The following FRMPD4 variants were observed in gnomAD, a reference collection of about 807,000 sequenced individuals.
FRMPD4 encodes the protein FERM and PDZ domain-containing protein 4.
In FRMPD4, 22 loss-of-function variants were observed where a neutral mutation model predicts 94.1. That is an observed-to-expected ratio of 0.23 (90% CI 0.17 to 0.33). FRMPD4 has a LOEUF of 0.33. Ranked by LOEUF, FRMPD4 falls within the 10% of genes least tolerant of loss-of-function variation. The probability of loss-of-function intolerance (pLI) is 1.00; values close to 1 mark genes in which losing one functional copy is unlikely to be tolerated. For synonymous variants in FRMPD4, 631 were observed against 548.6 expected, an observed-to-expected ratio of 1.15 and a Z score of -2.10; for missense variants, 1,111 against 1,339.9, an observed-to-expected ratio of 0.83 and a Z score of 2.67.
At chrX:12,157,551 CGTA>C (rs993656631) in intron 1 of FRMPD4, among the ~76,000 whole-genome samples, 2 of 111,603 alleles carry the variant, frequency 1.8e-5, no homozygotes, top group Non-Finnish European at 3.8e-5. Context: ...CAGAGCTCCC[CGTA>C]ACCACAGGTG....
chrX:11,986,537 C>G (rs1352077464), intron 3 of FRMPD4, among the ~76,000 whole-genome samples: 1 of 110,949 alleles, frequency 9.0e-6, no homozygotes, highest in Non-Finnish European at 1.9e-5. Flanking sequence ...AAGACAAAAC[C>G]AAACCTAAAA....
rs1380122866 is a variant in FRMPD4, at chrX:12,475,428, C to G, written c.42-23252C>G. On this transcript the variant is annotated intron_variant, in intron 1 of 16. Transcript: ENST00000675598. ...AAGACAGGGATGCCCTCTCTCACCA[C>G]TCCTATTCAACATAGTGTTGGAAGT... Among the ~76,000 whole-genome samples the G allele has an allele frequency of 5.4e-5, 6 of 111,569 alleles. No individual in the cohort carries two copies. The East Asian group carries it at 1.7e-3, about 31-fold the overall frequency.
At chrX:11,971,924 G>A (rs2054342239) in intron 3 of FRMPD4, among the ~76,000 whole-genome samples, 3 of 112,240 alleles carry the variant, frequency 2.7e-5, no homozygotes, top group Admixed American at 9.5e-5. Context: ...TCAGAGTGGA[G>A]CTTAGGACTT....
intron 1 of FRMPD4, among the ~76,000 whole-genome samples, chrX:12,235,708 C>T (rs2057064195): frequency 8.9e-6 from 1 of 112,072 alleles, no homozygotes; most frequent in East Asian, 2.8e-4. Context: ...CAGTATCGTA[C>T]CTTTATCCAG....
rs188316092 is a variant in FRMPD4, at chrX:12,600,291, C to T, written c.159-9430C>T. Among the ~76,000 whole-genome samples the T allele has an allele frequency of 2.4e-3, 263 of 110,592 alleles. 1 individual carries two copies. Among genetic ancestry groups the T allele is most frequent in the Middle Eastern group, 4.6e-3 (1 of 217 alleles). The stretch of plus-strand genomic sequence containing the variant: ...GAAAGTTTCCATCTCCTTTGATGTC[C>T]GTCAGCTGTTCTTACAAACCAAATG... On this transcript the variant is annotated intron_variant, in intron 2 of 16. Transcript: ENST00000675598.
At chrX:12,162,528 A>G (rs1448935831) in intron 1 of FRMPD4, among the ~76,000 whole-genome samples, 2 of 112,162 alleles carry the variant, frequency 1.8e-5, no homozygotes, top group Admixed American at 9.4e-5. Flanking sequence ...AAGCAGATGC[A>G]TTTTTTTATT....
chrX:12,604,893 C>T (rs769755731), intron 2 of FRMPD4, among the ~76,000 whole-genome samples: 1 of 111,814 alleles, frequency 8.9e-6, no homozygotes, highest in Admixed American at 9.5e-5. Flanking sequence ...TTAGCTCCCA[C>T]TTATAAGTGA....
chrX:12,170,739 T>C (rs2056205957), intron 1 of FRMPD4, among the ~76,000 whole-genome samples: 1 of 111,708 alleles, frequency 9.0e-6, no homozygotes, highest in Non-Finnish European at 1.9e-5. Flanking sequence ...AGCTTGGCTC[T>C]GGGGCCTGAG....
intron 3 of FRMPD4, among the ~76,000 whole-genome samples, chrX:12,010,867 G>A (rs896199758): frequency 1.1e-4 from 12 of 112,110 alleles, no homozygotes; most frequent in Admixed American, 1.9e-4. Context: ...GACTTGTAGA[G>A]GTGAAGAAAG....
intron 1 of FRMPD4, among the ~76,000 whole-genome samples, chrX:12,381,557 T>C (rs775435816): frequency 2.7e-5 from 3 of 112,202 alleles, no homozygotes; most frequent in African/African-American, 9.7e-5. Flanking sequence ...AAGATAAGAA[T>C]ATGATTTCAC....
Position 12,609,601 on chromosome X carries a change from CA to C in FRMPD4, c.159-119del, listed in dbSNP as rs931693414. The C allele has an allele frequency of 4.9e-6, 3 of 608,006 alleles. No individual in the cohort carries two copies. In the African/African-American group the frequency reaches 6.7e-5, roughly 14 times the overall value. The allele number at this position is 608,006 out of a possible 1,213,427, so 50.1% of individuals were successfully genotyped here. ...AAAGAAGCATGACTATGGGTCTCCC[CA>C]GATCTTTCTCACTCTCTACCAAAAA... On this transcript the variant is annotated intron_variant, in intron 2 of 16. Transcript: ENST00000675598.
chrX:12,569,697 T>G (rs1045767260), intron 2 of FRMPD4, among the ~76,000 whole-genome samples: 1 of 112,604 alleles, frequency 8.9e-6, no homozygotes, highest in Non-Finnish European at 1.9e-5. Context: ...AAATTTAATT[T>G]AAAAACAAAA....
upstream of FRMPD4, among the ~76,000 whole-genome samples, chrX:12,137,400 T>G (rs1356847092): frequency 8.9e-6 from 1 of 112,633 alleles, no homozygotes; most frequent in Non-Finnish European, 1.9e-5. Context: ...GTGGGAACTT[T>G]AAACCTATTT....
intron 3 of FRMPD4, among the ~76,000 whole-genome samples, chrX:11,994,164 T>C (rs1057391191): frequency 2.3e-4 from 25 of 110,440 alleles, no homozygotes; most frequent in Non-Finnish European, 4.4e-4. Context: ...GTAGAGGCCA[T>C]GGATGCTATT....
At chrX:12,007,497 C>T (rs757600361) in intron 3 of FRMPD4, among the ~76,000 whole-genome samples, 3 of 112,337 alleles carry the variant, frequency 2.7e-5, no homozygotes, top group African/African-American at 6.5e-5. Flanking sequence ...TAGACAAGAG[C>T]TCTAAGGCCA....
intron 1 of FRMPD4, among the ~76,000 whole-genome samples, chrX:12,155,272 A>G (rs1279807998): frequency 2.7e-5 from 3 of 112,087 alleles, no homozygotes; most frequent in African/African-American, 9.7e-5. Flanking sequence ...CAGAAGAAAA[A>G]CATCCATCTG....
At chrX:12,038,284 A>G (rs1051259462) in intron 3 of FRMPD4, among the ~76,000 whole-genome samples, 2 of 112,085 alleles carry the variant, frequency 1.8e-5, no homozygotes, top group African/African-American at 3.2e-5. Context: ...CTCCTTATCC[A>G]AACTAGCACT....
At chrX:11,925,755 A>C (rs5935190) in intron 3 of FRMPD4, among the ~76,000 whole-genome samples, 39,209 of 110,748 alleles carry the variant, frequency 0.35, 5,497 homozygotes, top group East Asian at 0.81. Context: ...GCTAAGACAG[A>C]GTTAGGAGGG....
At chrX:12,509,942 G>T (rs1411229746) in intron 2 of FRMPD4, among the ~76,000 whole-genome samples, 4 of 111,630 alleles carry the variant, frequency 3.6e-5, no homozygotes, top group African/African-American at 1.3e-4. Context: ...ATAAAGCACA[G>T]AAATAAGAGT....
Sources: gnomAD v4.1 joint callset for allele counts (sites outside exome capture counted in the v4.1 genomes callset) on GRCh38, gnomAD v4.1.1 for gene constraint, MANE v1.5 for transcripts, NCBI Gene and HGNC (gene_info 2026-07-23, HGNC 2026-07-21) for gene names.